The following PHTF2 variants were observed in gnomAD, a reference collection of about 807,000 sequenced individuals.
The protein encoded by PHTF2 is putative homeodomain transcription factor 2, also known as protein PHTF2.
PHTF2 carries 60 observed loss-of-function variants against 101.2 expected under a neutral mutation model. That is an observed-to-expected ratio of 0.59 (90% confidence interval 0.48 to 0.73). The LOEUF is 0.73. Among genes scored for constraint, PHTF2 ranks in the 30% least tolerant of loss-of-function variants. PHTF2 has a pLI of 0.00. For missense variants in PHTF2, 747 were observed against 908.7 expected (o/e 0.82, Z 2.29); for synonymous variants, 311 against 307.3 (o/e 1.01, Z -0.13).
At chr7:77,881,889 A>T (rs190443361) in intron 3 of PHTF2, among the ~76,000 whole-genome samples, 1 of 152,176 alleles carries the variant, frequency 6.6e-6, no homozygotes, top group Non-Finnish European at 1.5e-5. Context: ...TTCTGCTTTG[A>T]ATTATGACTC....
intron 1 of PHTF2, among the ~76,000 whole-genome samples, chr7:77,810,250 G>A (rs1793329909): frequency 6.6e-6 from 1 of 151,922 alleles, no homozygotes; most frequent in African/African-American, 2.4e-5. Context: ...CCGCTACTGA[G>A]TTTTTATTTC....
At chr7:77,923,631 G>C in intron 11 of PHTF2, 1 of 984,726 alleles carries the variant, frequency 1.0e-6, no homozygotes, top group Non-Finnish European at 1.2e-6. Context: ...ATGCCAGTGT[G>C]TCTGCTCTAT....
intron 1 of PHTF2, among the ~76,000 whole-genome samples, chr7:77,829,144 G>A (rs1794899278): frequency 6.6e-6 from 1 of 152,170 alleles, no homozygotes; most frequent in Non-Finnish European, 1.5e-5. Flanking sequence ...TTTCACCATT[G>A]AACTCCAGCC....
At chr7:77,815,360 G>T (rs1260160120) in intron 1 of PHTF2, among the ~76,000 whole-genome samples, 2 of 152,054 alleles carry the variant, frequency 1.3e-5, no homozygotes, top group African/African-American at 4.8e-5. Flanking sequence ...TGTCCAATAT[G>T]TTAAATGGAA....
chr7:77,952,552 A>G (rs555433147), intron 18 of PHTF2, among the ~76,000 whole-genome samples: 1 of 152,156 alleles, frequency 6.6e-6, no homozygotes, highest in Non-Finnish European at 1.5e-5. Context: ...CAAGCAAGAT[A>G]ATAGAGGCAA....
At chr7:77,842,104 C>T (rs1165776620) in intron 2 of PHTF2, among the ~76,000 whole-genome samples, 1 of 152,116 alleles carries the variant, frequency 6.6e-6, no homozygotes. Context: ...GGTCATTTAC[C>T]TGACAGCTTT....
At chr7:77,865,659 A>G (rs933085816) in intron 3 of PHTF2, among the ~76,000 whole-genome samples, 2 of 152,178 alleles carry the variant, frequency 1.3e-5, no homozygotes, top group Non-Finnish European at 1.5e-5. Flanking sequence ...CATTATCTTT[A>G]TATCGCCATT....
At chr7:77,869,887 T>G (rs1798380363) in intron 3 of PHTF2, among the ~76,000 whole-genome samples, 1 of 152,202 alleles carries the variant, frequency 6.6e-6, no homozygotes, top group South Asian at 2.1e-4. Flanking sequence ...TGGTTTGTCT[T>G]CTTTTGAGAA....
At position 77,954,849 on chromosome 7, in the gene PHTF2, T is replaced by G; in HGVS notation, c.2338-9T>G. 2.0e-6 allele frequency: 3 copies of G among 1,491,340 alleles called. No homozygotes were observed. The highest frequency in any genetic ancestry group is 2.8e-6 in the Non-Finnish European group (3 of 1,083,284). The allele number at this position is 1,491,340 out of a possible 1,614,324, so 92.4% of individuals were successfully genotyped here. Reference sequence around the variant, plus strand: ...TGGCTTGTCACCACTTCTATTTTTTTTTTTCTAGCTATGGAAGATTAAGTC... The same window carrying G: ...TGGCTTGTCACCACTTCTATTTTTTGTTTTCTAGCTATGGAAGATTAAGTC... On this transcript the variant is annotated splice_polypyrimidine_tract_variant and intron_variant, in intron 19 of 19. Transcript: ENST00000416283.
At chr7:77,893,002 A>G (rs1310285959) in intron 3 of PHTF2, among the ~76,000 whole-genome samples, 3 of 152,228 alleles carry the variant, frequency 2.0e-5, no homozygotes, top group African/African-American at 7.2e-5. Context: ...TTCCCCAAAT[A>G]TAACAGAGCT....
At position 77,937,705 on chromosome 7, in the gene PHTF2, T is replaced by A; in HGVS notation, c.1339-5T>A. ...TATATTTACTAATTTTTTTTTTTTT[T>A]ATAGAGTCATTTGCCCTGGCTCCAT... On this transcript the variant is annotated splice_polypyrimidine_tract_variant and splice_region_variant and intron_variant, in intron 12 of 19. Transcript: ENST00000416283. 8 of 1,253,460 alleles carry A rather than the reference T, an allele frequency of 6.4e-6. No individual in the cohort carries two copies. Among genetic ancestry groups the A allele is most frequent in the Non-Finnish European group, 8.5e-6 (8 of 943,848 alleles). The allele number at this position is 1,253,460 out of a possible 1,614,324, so 77.6% of individuals were successfully genotyped here. A position where few individuals can be genotyped will look rare whatever the true frequency, so the allele number is the denominator to read the frequency against.
intron 3 of PHTF2, among the ~76,000 whole-genome samples, chr7:77,864,678 G>A (rs181662631): frequency 1.1e-4 from 17 of 151,744 alleles, no homozygotes; most frequent in Admixed American, 8.5e-4. Flanking sequence ...TTCCCCTCAC[G>A]GATATCTTTC....
At chr7:77,935,605 T>C (rs1336194754) in intron 12 of PHTF2, among the ~76,000 whole-genome samples, 1 of 152,226 alleles carries the variant, frequency 6.6e-6, no homozygotes, top group African/African-American at 2.4e-5. Flanking sequence ...TAATGTAATA[T>C]CAGATGCTGG....
At chr7:77,950,330 G>A (rs1806432691) in intron 17 of PHTF2, among the ~76,000 whole-genome samples, 1 of 152,124 alleles carries the variant, frequency 6.6e-6, no homozygotes, top group Admixed American at 6.6e-5. Flanking sequence ...AGCTCAAACA[G>A]GAGAGTAACC....
rs145396371 is a variant in PHTF2, at chr7:77,853,564, T to G, written c.46-1169T>G. Among the ~76,000 whole-genome samples, 232 of 152,128 alleles carry G rather than the reference T, an allele frequency of 1.5e-3. 2 individuals are homozygous for G. The highest frequency in any genetic ancestry group is 7.9e-3 in the East Asian group (41 of 5,164). ...GTGCACCACCATGCCCAGCTAATTT[T>G]TTGTATTTTAGTAGAGACAGGGTTT... is the stretch of plus-strand genomic sequence containing the variant. On this transcript the variant is annotated intron_variant, in intron 2 of 19. Transcript: ENST00000416283.
At chr7:77,894,797 A>G (rs1041037976) in intron 5 of PHTF2, among the ~76,000 whole-genome samples, 1 of 152,166 alleles carries the variant, frequency 6.6e-6, no homozygotes, top group Admixed American at 6.5e-5. Flanking sequence ...CAAGGAAGAC[A>G]TTTCAGACAG....
chr7:77,951,631 G>T, exon 18 of PHTF2: 1 of 1,405,802 alleles, frequency 7.1e-7, no homozygotes, highest in East Asian at 2.5e-5. Context: ...ACCTCTACTT[G>T]AAAATGGAGA....
chr7:77,938,727 A>G (rs1177098344), intron 13 of PHTF2, among the ~76,000 whole-genome samples: 4 of 152,256 alleles, frequency 2.6e-5, no homozygotes, highest in African/African-American at 7.2e-5. Flanking sequence ...CAGTGAGCCA[A>G]GATCACGCCA....
At chr7:77,937,384 A>G (rs1333391101) in intron 12 of PHTF2, among the ~76,000 whole-genome samples, 1 of 152,176 alleles carries the variant, frequency 6.6e-6, no homozygotes, top group Non-Finnish European at 1.5e-5. Flanking sequence ...ATATTTTTGA[A>G]CATAGGTTGA....
Sources: gnomAD v4.1 joint callset for allele counts (sites outside exome capture counted in the v4.1 genomes callset) on GRCh38, gnomAD v4.1.1 for gene constraint, MANE v1.5 for transcripts, NCBI Gene and HGNC (gene_info 2026-07-23, HGNC 2026-07-21) for gene names.